SDC3: variants seen among roughly 807,000 people sequenced by gnomAD.
SDC3 encodes the protein syndecan-3.
Under a neutral mutation model 24.4 loss-of-function variants are expected in SDC3, and 13 were observed. That is an observed-to-expected ratio of 0.53 (90% CI 0.35 to 0.85). The LOEUF (loss-of-function observed/expected upper bound fraction) is 0.85. Ranked by LOEUF, SDC3 falls within the 40% of genes least tolerant of loss-of-function variation. SDC3 has a pLI of 0.01. For synonymous variants in SDC3, 295 were observed against 260.9 expected (o/e 1.13, Z -1.26); for missense variants, 571 against 584.5 (o/e 0.98, Z 0.24).
intron 1 of SDC3, among the ~76,000 whole-genome samples, chr1:30,881,027 G>GCAAACACA (rs368336130): frequency 7.4e-6 from 1 of 134,590 alleles, no homozygotes; most frequent in African/African-American, 2.8e-5. Context: ...GCGCACGCAT[G>GCAAACACA]CACACACACA....
At chr1:30,878,883 C>T (rs572578466) in intron 1 of SDC3, 143 bp from the exon 2 acceptor site, 22 of 667,392 alleles carry the variant, frequency 3.3e-5, no homozygotes, top group African/African-American at 1.4e-4. Context: ...AAGGAAAGTG[C>T]GTGTGTGAAT....
At chr1:30,900,242 G>A (rs1461998109) in intron 1 of SDC3, among the ~76,000 whole-genome samples, 1 of 152,194 alleles carries the variant, frequency 6.6e-6, no homozygotes, top group African/African-American at 2.4e-5. Flanking sequence ...GACCCACTGA[G>A]ATAAAGCATG....
chr1:30,894,684 G>A (rs1466221552), intron 1 of SDC3, among the ~76,000 whole-genome samples: 2 of 42,556 alleles, frequency 4.7e-5, no homozygotes, highest in African/African-American at 1.1e-4. Flanking sequence ...ATGACTGTGA[G>A]TGTGTGGGTG....
chr1:30,892,718 T>A (rs1639924890), intron 1 of SDC3, among the ~76,000 whole-genome samples: 1 of 152,192 alleles, frequency 6.6e-6, no homozygotes, highest in African/African-American at 2.4e-5. Flanking sequence ...CAGAGCAGTG[T>A]GCTGGACTCT....
chr1:30,890,930 C>T (rs1639895360), intron 1 of SDC3, among the ~76,000 whole-genome samples: 1 of 152,340 alleles, frequency 6.6e-6, no homozygotes. Flanking sequence ...GCAACTGCCT[C>T]TTCTAGGCTG....
chr1:30,891,559 A>G (rs1331789719), intron 1 of SDC3, among the ~76,000 whole-genome samples: 1 of 152,194 alleles, frequency 6.6e-6, no homozygotes, highest in Non-Finnish European at 1.5e-5. Flanking sequence ...TTTGCCTCCC[A>G]GACTCTGATC....
At chr1:30,897,928 C>T (rs1303966353) in intron 1 of SDC3, among the ~76,000 whole-genome samples, 1 of 152,150 alleles carries the variant, frequency 6.6e-6, no homozygotes, top group Non-Finnish European at 1.5e-5. Flanking sequence ...CTCCAAGCTC[C>T]GGCATCTCAT....
chr1:30,876,914 TTG>T lies in SDC3; in HGVS notation c.506_507del (p.Thr169LysfsTer100). The T allele has an allele frequency of 6.2e-7, 1 of 1,613,772 alleles. No individual in the cohort carries two copies. Among genetic ancestry groups the T allele is most frequent in the Non-Finnish European group, 8.5e-7 (1 of 1,179,928 alleles). On this transcript the variant is annotated frameshift_variant, in exon 3 of 5. Transcript: ENST00000339394. LOFTEE classifies it high-confidence loss of function. ...VSTTMATTAA[T>X]STGDPTVATV... ...GTGGCCACAGTCGGGTCCCCTGTGC[TTG>T]TGGCAGCAGTGGTAGCCATGGTAGT...
chr1:30,877,355 C>G, intron 2 of SDC3, 190 bp from the exon 3 acceptor site: 1 of 749,520 alleles, frequency 1.3e-6, no homozygotes, highest in South Asian at 1.8e-5. Flanking sequence ...TGATGTTCCC[C>G]AACTTCTCTC....
chr1:30,887,291 G>A (rs936972696), intron 1 of SDC3, among the ~76,000 whole-genome samples: 2 of 151,998 alleles, frequency 1.3e-5, no homozygotes, highest in African/African-American at 4.8e-5. Flanking sequence ...TGGGGCCCAG[G>A]AGTCTCCGAG....
chr1:30,873,567 C>T (rs185543568), intron 4 of SDC3, among the ~76,000 whole-genome samples, 190 bp from the exon 5 acceptor site: 2 of 152,026 alleles, frequency 1.3e-5, no homozygotes, highest in South Asian at 2.1e-4. Context: ...GCATTCTAAT[C>T]GCCCAACACA....
In SDC3 at chr1:30,908,550, G is replaced by C; in HGVS notation, c.37C>G (p.His13Asp). The C allele has an allele frequency of 1.0e-6, 1 of 968,310 alleles. No homozygotes were observed. Among genetic ancestry groups the C allele is most frequent in the Non-Finnish European group, 1.2e-6 (1 of 818,764 alleles). 60.0% of individuals were successfully genotyped at this position (968,310 alleles called of 1,614,324 possible). The part of the protein sequence containing the change: ...PGPPHRAGAA[H>D]GAGAGAGAAA... ...GCCCCGGCCCCGGCGCCGGCCCCGT[G>C]GGCGGCCCCGGCACGGTGCGGCGGC... The change falls in exon 1 of 5, where the codon CAC (histidine) becomes GAC (aspartate). Residue 13 changes from histidine (H) to aspartate (D), a missense_variant. His to Asp is a moderately conservative substitution (Grantham distance 81). Around this residue, in one of 2 missense-constraint regions of SDC3, gnomAD observed 497 missense variants for 471.6 expected, o/e 1.05. Coordinates refer to ENST00000339394, the MANE Select transcript of SDC3 (RefSeq NM_014654.4).
intron 1 of SDC3, among the ~76,000 whole-genome samples, chr1:30,902,513 G>A (rs1263783066): frequency 6.6e-6 from 1 of 152,224 alleles, no homozygotes; most frequent in Admixed American, 6.5e-5. Flanking sequence ...CCCAGGATGT[G>A]ATGTTATGGA....
intron 1 of SDC3, among the ~76,000 whole-genome samples, chr1:30,904,000 A>G (rs1326730503): frequency 6.6e-6 from 1 of 152,082 alleles, no homozygotes; most frequent in Non-Finnish European, 1.5e-5. Flanking sequence ...CGAGGTGGGA[A>G]GATCACTTGA....
At chr1:30,893,818 T>A (rs965248033) in intron 1 of SDC3, among the ~76,000 whole-genome samples, 9 of 151,986 alleles carry the variant, frequency 5.9e-5, no homozygotes, top group African/African-American at 7.3e-5. Context: ...CCACACTCCC[T>A]CTCCTGCTAC....
chr1:30,892,462 T>A (rs1008186269), intron 1 of SDC3, among the ~76,000 whole-genome samples: 1 of 152,090 alleles, frequency 6.6e-6, no homozygotes, highest in Non-Finnish European at 1.5e-5. Flanking sequence ...AATGAATGAA[T>A]GAATGATCCT....
upstream of SDC3, among the ~76,000 whole-genome samples, chr1:30,908,983 C>T (rs1212061957): frequency 6.6e-6 from 1 of 151,904 alleles, no homozygotes; most frequent in African/African-American, 2.4e-5. Context: ...CTCGCCGATC[C>T]CGGGGCTGGA....
chr1:30,907,401 AC>A (rs1046625632), intron 1 of SDC3, among the ~76,000 whole-genome samples: 16 of 152,078 alleles, frequency 1.1e-4, no homozygotes, highest in Admixed American at 5.9e-4. Context: ...CCTCATACAT[AC>A]CATCACCTCC....
At chr1:30,899,086 C>T (rs369308138) in intron 1 of SDC3, among the ~76,000 whole-genome samples, 31 of 152,080 alleles carry the variant, frequency 2.0e-4, no homozygotes, top group African/African-American at 6.0e-4. Context: ...CCCACTTCTT[C>T]GTTTCGTTGT....
Sources: allele counts gnomAD v4.1 joint callset (sites outside exome capture counted in the v4.1 genomes callset), GRCh38; gene constraint gnomAD v4.1.1; regional missense constraint gnomAD v4.1.1; transcripts MANE v1.5; gene names NCBI Gene and HGNC (gene_info 2026-07-23, HGNC 2026-07-21).